Variants in NECAB1 observed in about 807,000 individuals in gnomAD.
NECAB1 encodes N-terminal EF-hand calcium-binding protein 1.
NECAB1 carries 29 observed loss-of-function variants against 57.5 expected under a neutral mutation model. The observed-to-expected ratio is 0.50, with a 90% CI of 0.38 to 0.69. The LOEUF is 0.69. Ranked by LOEUF, NECAB1 falls within the 30% of genes least tolerant of loss-of-function variation. The pLI is 0.00. For synonymous variants in NECAB1, 142 were observed against 147.7 expected (o/e 0.96, Z 0.28); for missense variants, 372 against 413.8 (o/e 0.90, Z 0.88).
chr8:90,808,640 C>CTTTTTTTTTTT (rs200075536), intron 2 of NECAB1, among the ~76,000 whole-genome samples: 31 of 81,272 alleles, frequency 3.8e-4, no homozygotes, highest in East Asian at 1.3e-3. Context: ...TTTTTCTTTT[C>CTTTTTTTTTTT]TTTTTTTTTT....
intron 3 of NECAB1, among the ~76,000 whole-genome samples, chr8:90,849,656 C>T (rs1326968268): frequency 7.1e-6 from 1 of 141,578 alleles, no homozygotes; most frequent in Non-Finnish European, 1.5e-5. Flanking sequence ...ACCTAAAAAA[C>T]TAGTTTTTTT....
chr8:90,883,848 G>C (rs1808905477), intron 5 of NECAB1, among the ~76,000 whole-genome samples: 1 of 152,164 alleles, frequency 6.6e-6, no homozygotes, highest in Non-Finnish European at 1.5e-5. Context: ...TTGTCAATTA[G>C]TTTTTCTTCT....
At position 90,933,278 on chromosome 8, in the gene NECAB1, CAT is replaced by C. The variant is rs202074010; in HGVS notation, c.694-1025_694-1024del. On this transcript the variant is annotated intron_variant, in intron 8 of 12. Coordinates refer to ENST00000417640, the MANE Select transcript of NECAB1 (RefSeq NM_022351.5). ...TTATACAAAAAAGAACTTGCACACA[CAT>C]GTTTATAGCAGCACAATTTTCAGTT... 4.8e-3 allele frequency among the ~76,000 whole-genome samples: 731 copies of C among 152,260 alleles called. 3 individuals are homozygous for C. Among genetic ancestry groups the C allele is most frequent in the African/African-American group, 0.016 (665 of 41,550 alleles).
At chr8:90,920,819 A>C (rs1586126115) in intron 6 of NECAB1, among the ~76,000 whole-genome samples, 1 of 152,168 alleles carries the variant, frequency 6.6e-6, no homozygotes, top group African/African-American at 2.4e-5. Context: ...GAGACTTTGC[A>C]TAAGTCCCCT....
chr8:90,910,405 T>C (rs972511848), intron 5 of NECAB1, among the ~76,000 whole-genome samples: 1 of 152,166 alleles, frequency 6.6e-6, no homozygotes, highest in Non-Finnish European at 1.5e-5. Context: ...TCAGTTTTCC[T>C]GAATTTTTTC....
At chr8:90,797,044 G>A (rs1811673410) in intron 1 of NECAB1, among the ~76,000 whole-genome samples, 1 of 152,180 alleles carries the variant, frequency 6.6e-6, no homozygotes. Context: ...CCAAAAGTAA[G>A]AAATAGGATG....
At chr8:90,952,617 A>T (rs574096564) in intron 12 of NECAB1, among the ~76,000 whole-genome samples, 1 of 152,046 alleles carries the variant, frequency 6.6e-6, no homozygotes, top group Admixed American at 6.6e-5. Flanking sequence ...CCTCTACTAA[A>T]AATACAAAAA....
intron 2 of NECAB1, among the ~76,000 whole-genome samples, chr8:90,804,869 G>A (rs1811822192): frequency 6.6e-6 from 1 of 152,134 alleles, no homozygotes; most frequent in Admixed American, 6.5e-5. Context: ...CCTCTACCAT[G>A]TCATGTGGTA....
chr8:90,894,162 G>A (rs975679625), intron 5 of NECAB1, among the ~76,000 whole-genome samples: 1 of 152,026 alleles, frequency 6.6e-6, no homozygotes, highest in Admixed American at 6.6e-5. Flanking sequence ...ATATTTAATT[G>A]TATATTTCTA....
At chr8:90,859,160 C>T (rs1436438582) in intron 3 of NECAB1, 1 of 152,164 alleles carries the variant, frequency 6.6e-6, no homozygotes, top group East Asian at 1.9e-4. Flanking sequence ...AAACAAAAAC[C>T]CGCCTCTGGA....
chr8:90,925,266 T>C (rs929430820), intron 6 of NECAB1, among the ~76,000 whole-genome samples: 4 of 149,702 alleles, frequency 2.7e-5, no homozygotes, highest in African/African-American at 7.5e-5. Context: ...CCACTGAAAG[T>C]TGACCAACAA....
At chr8:90,922,267 A>G (rs900250717) in intron 6 of NECAB1, among the ~76,000 whole-genome samples, 1 of 152,296 alleles carries the variant, frequency 6.6e-6, no homozygotes. Flanking sequence ...TCTATTTCCC[A>G]AAGTTTTTCT....
At chr8:90,900,466 G>A (rs1586103739) in intron 5 of NECAB1, among the ~76,000 whole-genome samples, 3 of 152,232 alleles carry the variant, frequency 2.0e-5, no homozygotes, top group South Asian at 2.1e-4. Flanking sequence ...ATATATTTGA[G>A]AAAACAAACA....
intron 4 of NECAB1, 145 bp downstream of exon 4, chr8:90,872,298 C>A: frequency 1.5e-6 from 1 of 649,912 alleles, no homozygotes; most frequent in Non-Finnish European, 2.5e-6. Flanking sequence ...AGGGATTTAT[C>A]TTTACCCGTG....
At chr8:90,872,181 C>T (rs147148816) in intron 4 of NECAB1, 28 bp downstream of exon 4, 24,430 of 1,517,002 alleles carry the variant, frequency 0.016, 218 homozygotes, top group Non-Finnish European at 0.018. Flanking sequence ...ATCAGTCAAA[C>T]CTATTACTTG....
intron 9 of NECAB1, among the ~76,000 whole-genome samples, chr8:90,938,800 T>C (rs757051299): frequency 1.3e-5 from 2 of 152,156 alleles, no homozygotes; most frequent in South Asian, 2.1e-4. Context: ...CAGTTAGGTA[T>C]TGGTAACATA....
At chr8:90,892,612 A>C (rs998278287) in intron 5 of NECAB1, among the ~76,000 whole-genome samples, 5 of 151,918 alleles carry the variant, frequency 3.3e-5, no homozygotes, top group African/African-American at 1.2e-4. Context: ...TCAGTCACCT[A>C]CTCCTAATGA....
intron 2 of NECAB1, among the ~76,000 whole-genome samples, chr8:90,809,694 A>C (rs1811918282): frequency 6.6e-6 from 1 of 152,172 alleles, no homozygotes; most frequent in South Asian, 2.1e-4. Flanking sequence ...TTACATGTGA[A>C]AAGCTTGATT....
At chr8:90,908,374 A>C (rs372433922) in intron 5 of NECAB1, among the ~76,000 whole-genome samples, 74 of 152,278 alleles carry the variant, frequency 4.9e-4, no homozygotes, top group Admixed American at 2.1e-3. Flanking sequence ...ATGTACGAAC[A>C]TAGTTCTGTG....
Sources: gnomAD v4.1 joint callset for allele counts (sites outside exome capture counted in the v4.1 genomes callset) on GRCh38, gnomAD v4.1.1 for gene constraint, MANE v1.5 for transcripts, NCBI Gene and HGNC (gene_info 2026-07-23, HGNC 2026-07-21) for gene names.